KCNH7: variants seen among roughly 807,000 people sequenced by gnomAD.
KCNH7 encodes voltage-gated inwardly rectifying potassium channel KCNH7.
A neutral mutation model predicts 120.8 loss-of-function variants in KCNH7; 49 were observed. The ratio of observed to expected loss-of-function variants is 0.41; its 90% CI spans 0.32 to 0.51. The LOEUF (loss-of-function observed/expected upper bound fraction) is 0.51, where lower values mean the gene tolerates loss of function less well. KCNH7 is among the 20% of genes least tolerant of loss of function. The pLI, the probability that KCNH7 is intolerant of heterozygous loss-of-function variation, is 0.38. For missense variants in KCNH7, 1,097 were observed against 1,446.6 expected (o/e 0.76, Z 3.92); for synonymous variants, 547 against 516.1 (o/e 1.06, Z -0.81).
chr2:162,435,193 C>T lies in KCNH7; in HGVS notation c.1954+5G>A, dbSNP rs752377634. The T allele has an allele frequency of 1.2e-6, 2 of 1,608,954 alleles. No individual in the cohort carries two copies. Among genetic ancestry groups the T allele is most frequent in the Non-Finnish European group, 1.7e-6 (2 of 1,177,176 alleles). The stretch of plus-strand genomic sequence containing the variant: ...TAATAGACAACAGAAGAGAAAGCTA[C>T]TTACAGCCAATCAACATGACACAAA... On this transcript the variant is annotated splice_donor_5th_base_variant and intron_variant, in intron 8 of 15. Transcript: ENST00000332142.
rs1218035904 is a variant in KCNH7, at chr2:162,615,093, C to T, written c.308-78013G>A. On this transcript the variant is annotated intron_variant, in intron 2 of 15. Coordinates refer to ENST00000332142, the MANE Select transcript of KCNH7 (RefSeq NM_033272.4). ...ACTCCACAGAACTTCAAATTGTGTGCTTTTAATATTTCAAGCTAGCATAGG... is the reference window on the plus strand; with the variant it reads ...ACTCCACAGAACTTCAAATTGTGTGTTTTTAATATTTCAAGCTAGCATAGG... Among the ~76,000 whole-genome samples, 5 of 152,226 alleles carry T rather than the reference C, an allele frequency of 3.3e-5. No individual in the cohort carries two copies. In the East Asian group the frequency reaches 9.6e-4, roughly 29 times the overall value.
intron 2 of KCNH7, among the ~76,000 whole-genome samples, chr2:162,732,438 G>C (rs1351840746): frequency 2.0e-5 from 3 of 152,094 alleles, no homozygotes; most frequent in African/African-American, 2.4e-5. Flanking sequence ...CTTAGAGTTA[G>C]TATATTCATA....
chr2:162,506,244 A>T (rs1184635807), intron 5 of KCNH7, among the ~76,000 whole-genome samples: 3 of 151,872 alleles, frequency 2.0e-5, no homozygotes, highest in African/African-American at 7.2e-5. Flanking sequence ...GATAGAAATA[A>T]GAGCCAATAG....
At chr2:162,387,978 A>G (rs902257040) in intron 12 of KCNH7, among the ~76,000 whole-genome samples, 1 of 151,808 alleles carries the variant, frequency 6.6e-6, no homozygotes, top group East Asian at 1.9e-4. Context: ...GTGCTCTCTC[A>G]GCATTTGAGT....
chr2:162,519,407 C>G (rs1186833935), intron 3 of KCNH7, among the ~76,000 whole-genome samples: 1 of 151,422 alleles, frequency 6.6e-6, no homozygotes, highest in South Asian at 2.1e-4. Context: ...TAATTTTCAT[C>G]AAAAAAACAA....
Position 162,435,594 on chromosome 2 carries a change from T to C in KCNH7, c.1558A>G (p.Thr520Ala), listed in dbSNP as rs142244172. ...LIFGSGSDET[T>A]TLIGLLKTAR... is the part of the protein sequence containing the mutation. The stretch of plus-strand genomic sequence containing the variant: ...GTCTTCAAAAGACCAATTAATGTTG[T>C]TGTCTGTAGAAATAAATGTACACAG... The change falls in exon 8 of 16, where the codon ACA becomes GCA. Residue 520 changes from threonine to alanine, a missense_variant. Around this residue, in one of 8 missense-constraint regions of KCNH7, gnomAD observed 109 missense variants for 196.8 expected, o/e 0.55. Coordinates refer to ENST00000332142, the MANE Select transcript of KCNH7 (RefSeq NM_033272.4). The C allele has an allele frequency of 1.3e-5, 21 of 1,580,438 alleles. No individual in the cohort carries two copies. Among genetic ancestry groups the C allele is most frequent in the Admixed American group, 1.8e-5 (1 of 54,320 alleles).
intron 2 of KCNH7, among the ~76,000 whole-genome samples, chr2:162,765,174 AAAAG>A (rs1304370317): frequency 6.6e-6 from 1 of 152,180 alleles, no homozygotes; most frequent in African/African-American, 2.4e-5. Flanking sequence ...AGGTGGAAGA[AAAAG>A]AAAGCCTGAT....
chr2:162,406,686 T>C (rs915617072), intron 9 of KCNH7, among the ~76,000 whole-genome samples: 9 of 152,052 alleles, frequency 5.9e-5, no homozygotes, highest in Non-Finnish European at 1.3e-4. Flanking sequence ...CATACAGCTT[T>C]AATATTTTAT....
chr2:162,764,868 A>T (rs1185902215), intron 2 of KCNH7, among the ~76,000 whole-genome samples: 1 of 152,178 alleles, frequency 6.6e-6, no homozygotes, highest in Non-Finnish European at 1.5e-5. Flanking sequence ...TTTACTTTAA[A>T]TAGGCAAAGA....
intron 3 of KCNH7, among the ~76,000 whole-genome samples, chr2:162,522,654 G>A (rs1250747197): frequency 6.6e-6 from 1 of 151,800 alleles, no homozygotes; most frequent in Non-Finnish European, 1.5e-5. Flanking sequence ...AATTAAAATA[G>A]ATACTATTTA....
chr2:162,781,254 A>G (rs1433346350), intron 2 of KCNH7, among the ~76,000 whole-genome samples: 1 of 151,990 alleles, frequency 6.6e-6, no homozygotes, highest in Non-Finnish European at 1.5e-5. Flanking sequence ...TCCCCATAAA[A>G]GCCTCATTTG....
At chr2:162,767,189 C>T (rs1020396630) in intron 2 of KCNH7, among the ~76,000 whole-genome samples, 3 of 152,014 alleles carry the variant, frequency 2.0e-5, no homozygotes, top group African/African-American at 7.2e-5. Flanking sequence ...TGTACATACT[C>T]TTGTCATTCC....
At chr2:162,393,872 C>A (rs1230282584) in intron 12 of KCNH7, among the ~76,000 whole-genome samples, 1 of 151,908 alleles carries the variant, frequency 6.6e-6, no homozygotes, top group Non-Finnish European at 1.5e-5. Context: ...TATTGAGTAG[C>A]TGCTCGAAAA....
chr2:162,820,820 AT>A (rs1340736652), intron 2 of KCNH7, among the ~76,000 whole-genome samples: 1 of 152,150 alleles, frequency 6.6e-6, no homozygotes, highest in African/African-American at 2.4e-5. Flanking sequence ...ATTTTTTGAT[AT>A]CTGCACTTTT....
chr2:162,441,994 G>GTCTTCT lies in KCNH7; in HGVS notation c.1554+4018_1554+4023dup, dbSNP rs1237041122. On this transcript the variant is annotated intron_variant, in intron 7 of 15. Transcript: ENST00000332142. ...TGTGAGAAAAAAATTAAATAGTTAGGTCTTCTTTTTTTTTTTTTTTTTTTT... is the reference window on the plus strand; with the variant it reads ...TGTGAGAAAAAAATTAAATAGTTAGGTCTTCTTCTTCTTTTTTTTTTTTTTTTTTTT... 2.8e-3 allele frequency among the ~76,000 whole-genome samples: 128 copies of GTCTTCT among 46,536 alleles called. 6 individuals carry two copies. The highest frequency in any genetic ancestry group is 0.022 in the Admixed American group (77 of 3,538). 30.5% of individuals were successfully genotyped at this position (46,536 alleles called of 152,430 possible). A position where few individuals can be genotyped will look rare whatever the true frequency, so the allele number is the denominator to read the frequency against.
chr2:162,584,666 T>C (rs1693969933), intron 2 of KCNH7, among the ~76,000 whole-genome samples: 1 of 151,982 alleles, frequency 6.6e-6, no homozygotes. Flanking sequence ...GGGAACCTAT[T>C]ACAACTGGGG....
intron 2 of KCNH7, among the ~76,000 whole-genome samples, chr2:162,805,930 C>T (rs305666): frequency 0.03 from 4,498 of 151,822 alleles, 89 homozygotes; most frequent in East Asian, 0.086. Flanking sequence ...ATGTCTTTTA[C>T]GGCAACTTGG....
chr2:162,565,327 G>T (rs1312154143), intron 2 of KCNH7, among the ~76,000 whole-genome samples: 1 of 151,740 alleles, frequency 6.6e-6, no homozygotes, highest in African/African-American at 2.4e-5. Flanking sequence ...GAAAAAAAAC[G>T]TAACTAGTCC....
At position 162,371,886 on chromosome 2, in the gene KCNH7, A is replaced by G. The variant is rs1158906557; in HGVS notation, c.3534T>C (p.Thr1178=). ...GCCTATGAAGACCCACGATTCCTAC[A>G]GTGCTTAGGGATGAATCTGGCAAAG... ...HPSLPDSSLS[T]VGIVGLHRHV... is the part of the protein sequence containing the mutation. The change falls in exon 16 of 16, where the codon ACT becomes ACC. Residue 1178 remains threonine, a synonymous_variant. Transcript: ENST00000332142. 3 of 1,613,646 alleles carry G rather than the reference A, an allele frequency of 1.9e-6. No homozygotes were observed. Among genetic ancestry groups the G allele is most frequent in the African/African-American group, 1.3e-5 (1 of 74,906 alleles).
Sources: gnomAD v4.1 joint callset for allele counts (sites outside exome capture counted in the v4.1 genomes callset) on GRCh38, gnomAD v4.1.1 for gene constraint, gnomAD v4.1.1 regional missense constraint, MANE v1.5 for transcripts, NCBI Gene and HGNC (gene_info 2026-07-23, HGNC 2026-07-21) for gene names.